Variants in PCF11 observed in about 807,000 individuals in gnomAD.
PCF11 encodes PCF11 cleavage and polyadenylation factor subunit.
PCF11 carries 19 observed loss-of-function variants against 166.1 expected under a neutral mutation model. The observed-to-expected ratio is 0.11, with a 90% CI of 0.08 to 0.17. PCF11 has a LOEUF of 0.17. PCF11 is among the 10% of genes least tolerant of loss of function. PCF11 has a pLI of 1.00. For synonymous variants in PCF11, 663 were observed against 644.1 expected, an observed-to-expected ratio of 1.03 and a Z score of -0.44; for missense variants, 1,565 against 1,855.5, an observed-to-expected ratio of 0.84 and a Z score of 2.88.
chr11:83,162,723 C>G (rs1317599432), intron 2 of PCF11, among the ~76,000 whole-genome samples: 1 of 152,172 alleles, frequency 6.6e-6, no homozygotes. Context: ...TGTTGAAAAT[C>G]TAACTCAGTT....
Position 83,157,874 on chromosome 11 carries a change from C to T in PCF11, c.192+243C>T, listed in dbSNP as rs572397500. On this transcript the variant is annotated intron_variant, in intron 1 of 15. Transcript: ENST00000298281. ...GCTTTCCAACTCCCTTTTTAGGCCA[C>T]CGCATTGTATATCCCGACACACACA... The T allele has an allele frequency of 5.4e-6, 3 of 553,612 alleles. No homozygotes were observed. The African/African-American group carries it at 5.6e-5, about 10-fold the overall frequency. The allele number at this position is 553,612 out of a possible 1,614,324, so 34.3% of individuals were successfully genotyped here.
intron 9 of PCF11, among the ~76,000 whole-genome samples, chr11:83,175,300 T>G (rs2135437567): frequency 6.6e-6 from 1 of 152,196 alleles, no homozygotes; most frequent in African/African-American, 2.4e-5. Flanking sequence ...ACCGGCTAAT[T>G]TTTGTATTTT....
At chr11:83,164,770 G>A (rs962967273) in intron 4 of PCF11, among the ~76,000 whole-genome samples, 1 of 151,668 alleles carries the variant, frequency 6.6e-6, no homozygotes, top group Non-Finnish European at 1.5e-5. Context: ...CCAGCTACTC[G>A]AGAGGCTGAG....
exon 13 of PCF11, chr11:83,181,876 T>G: frequency 6.2e-7 from 1 of 1,610,930 alleles, no homozygotes; most frequent in Non-Finnish European, 8.5e-7. Context: ...TTTGAGGAGA[T>G]AGCTGATCTG....
chr11:83,178,177 A>G (rs1320430159), intron 11 of PCF11, among the ~76,000 whole-genome samples: 1 of 151,860 alleles, frequency 6.6e-6, no homozygotes, highest in African/African-American at 2.4e-5. Context: ...GCACCACCAT[A>G]CCCAGCTAAT....
rs765527739 is a variant in PCF11, at chr11:83,167,311, A to G, written c.2001+3A>G. The G allele has an allele frequency of 6.2e-7, 1 of 1,610,352 alleles. No individual in the cohort carries two copies. The highest frequency in any genetic ancestry group is 8.5e-7 in the Non-Finnish European group (1 of 1,177,280). On this transcript the variant is annotated splice_donor_region_variant and intron_variant, in intron 6 of 15. Coordinates refer to ENST00000298281, the Ensembl canonical transcript of PCF11. The surrounding 1 kb of genome is among the most constrained non-coding windows in gnomAD (Gnocchi z 4.2). ...GCAAAAGAGAATTACTTCAAAAGGTAGTTACTATGATTAATCCCATGTAGT... is the reference window on the plus strand; with the variant it reads ...GCAAAAGAGAATTACTTCAAAAGGTGGTTACTATGATTAATCCCATGTAGT...
chr11:83,184,718 C>A (rs1423822658), exon 16 of PCF11: 1 of 1,612,682 alleles, frequency 6.2e-7, no homozygotes, highest in South Asian at 1.1e-5. Flanking sequence ...CAGCAAGACA[C>A]CAGTTGAAAA....
At chr11:83,166,679 C>G (rs374073017) in exon 5 of PCF11, 1 of 1,599,356 alleles carries the variant, frequency 6.3e-7, no homozygotes, top group Non-Finnish European at 8.5e-7. Flanking sequence ...CCAAGTCTGC[C>G]AAAAGATGGA....
exon 5 of PCF11, chr11:83,165,982 C>A (rs1860437335): frequency 6.3e-7 from 1 of 1,598,362 alleles, no homozygotes; most frequent in African/African-American, 1.4e-5. Context: ...CAATTAGATT[C>A]TAAATCGAAA....
At chr11:83,177,116 T>C in exon 10 of PCF11, 1 of 1,572,108 alleles carries the variant, frequency 6.4e-7, no homozygotes, top group South Asian at 1.2e-5. Flanking sequence ...CTGATAATCA[T>C]CTCAGTCAGG....
intron 9 of PCF11, among the ~76,000 whole-genome samples, chr11:83,174,549 T>A: frequency 6.6e-6 from 1 of 152,120 alleles, no homozygotes; most frequent in Middle Eastern, 3.4e-3. Context: ...GAAAGGCTAT[T>A]GATTTTTTTT....
intron 13 of PCF11, 79 bp downstream of exon 13, chr11:83,182,088 C>T: frequency 9.1e-7 from 1 of 1,094,578 alleles, no homozygotes; most frequent in Non-Finnish European, 1.3e-6. Context: ...AAACACATCA[C>T]TATATTTATA....
exon 3 of PCF11, chr11:83,163,818 A>G (rs754552193): frequency 5.1e-6 from 8 of 1,583,782 alleles, no homozygotes; most frequent in South Asian, 3.4e-5. Context: ...CTACCCCCCA[A>G]TGTGAATACG....
At chr11:83,181,957 C>T (rs1468613606) in exon 13 of PCF11, 1 of 1,612,430 alleles carries the variant, frequency 6.2e-7, no homozygotes, top group East Asian at 2.2e-5. Flanking sequence ...CAAGAGGCTG[C>T]TAAAGAAAAA....
Position 83,183,404 on chromosome 11 carries a change from G to A in PCF11, c.4452+331G>A, listed in dbSNP as rs560098079. Among the ~76,000 whole-genome samples, 8 of 152,144 alleles carry A rather than the reference G, an allele frequency of 5.3e-5. No homozygotes were observed. In the South Asian group the frequency reaches 1.7e-3, roughly 32 times the overall value. On this transcript the variant is annotated intron_variant, in intron 15 of 15. Coordinates refer to ENST00000298281, the Ensembl canonical transcript of PCF11. ...GAAAAGTGAAGATAAGGATCCTGAT[G>A]GGGATACGTTTCTAGAGCTATGGGT...
chr11:83,185,682 G>C (rs935956293), exon 16 of PCF11: 1 of 152,536 alleles, frequency 6.6e-6, no homozygotes, highest in East Asian at 1.9e-4. Flanking sequence ...ACGGGAATCT[G>C]TAAGAATGTT....
chr11:83,184,932 G>A, exon 16 of PCF11: 1 of 1,396,502 alleles, frequency 7.2e-7, no homozygotes, highest in Non-Finnish European at 9.7e-7. Context: ...TTTTAAAAAA[G>A]CTGCTGTTGG....
chr11:83,184,955 A>G, exon 16 of PCF11: 1 of 1,198,724 alleles, frequency 8.3e-7, no homozygotes, highest in Non-Finnish European at 1.2e-6. Context: ...CTAGAAGGTG[A>G]AGAATTTTTT....
At chr11:83,182,376 C>G in intron 13 of PCF11, 23 bp from the exon 14 acceptor site, 2 of 1,237,850 alleles carry the variant, frequency 1.6e-6, no homozygotes, top group South Asian at 2.5e-5. Context: ...ATGTAAATTT[C>G]ATTTTATATG....
Sources: gnomAD v4.1 joint callset for allele counts (sites outside exome capture counted in the v4.1 genomes callset) on GRCh38, gnomAD v4.1.1 for gene constraint, Gnocchi (gnomAD v3.1) non-coding constraint, MANE v1.5 for transcripts, NCBI Gene and HGNC (gene_info 2026-07-23, HGNC 2026-07-21) for gene names.